CAGE1: variants seen among roughly 807,000 people sequenced by gnomAD.
CAGE1 encodes the protein cancer antigen 1, also known as cancer-associated gene 1 protein.
CAGE1 carries 66 observed loss-of-function variants against 94.9 expected under a neutral mutation model. The observed-to-expected ratio is 0.70, with a 90% CI of 0.57 to 0.85. The LOEUF is 0.85. Among genes scored for constraint, CAGE1 ranks in the 40% least tolerant of loss-of-function variants. The pLI is 0.00. For synonymous variants in CAGE1, 319 were observed against 321.0 expected (o/e 0.99, Z 0.07); for missense variants, 865 against 950.4 (o/e 0.91, Z 1.18).
intron 9 of CAGE1, among the ~76,000 whole-genome samples, chr6:7,358,027 G>GATATATATAT (rs55850429): frequency 0.017 from 815 of 47,660 alleles, 50 homozygotes; most frequent in Non-Finnish European, 0.02. Flanking sequence ...TAAGTTTTGA[G>GATATATATAT]ATATATATAT....
In CAGE1 at chr6:7,330,559, T is replaced by A. The variant is rs1021028470; in HGVS notation, c.2439-671A>T. On this transcript the variant is annotated intron_variant, in intron 12 of 13. Coordinates refer to ENST00000502583, the MANE Select transcript of CAGE1 (RefSeq NM_001170692.2). Reference sequence around the variant, plus strand: ...CATCTGAGGCTATTCAGATACTCGCTTTTGTATCCTTATTTCCCACTATTT... The same window carrying A: ...CATCTGAGGCTATTCAGATACTCGCATTTGTATCCTTATTTCCCACTATTT... Among the ~76,000 whole-genome samples the A allele has an allele frequency of 2.0e-5, 3 of 152,354 alleles. No individual in the cohort carries two copies. In the East Asian group the frequency reaches 5.8e-4, roughly 29 times the overall value.
At chr6:7,348,701 AATAG>A (rs1244174315) in intron 11 of CAGE1, among the ~76,000 whole-genome samples, 2 of 152,138 alleles carry the variant, frequency 1.3e-5, no homozygotes, top group African/African-American at 2.4e-5. Context: ...TATTCAAGGA[AATAG>A]ATAGCATAAA....
intron 11 of CAGE1, among the ~76,000 whole-genome samples, chr6:7,345,360 C>T (rs762030159): frequency 2.3e-4 from 19 of 82,872 alleles, no homozygotes; most frequent in Non-Finnish European, 5.0e-4. Context: ...ACTCTGAACA[C>T]ATCAGAACAT....
chr6:7,368,945 CAATT>C (rs1333833895), intron 6 of CAGE1, 147 bp from the exon 7 acceptor site: 5 of 548,492 alleles, frequency 9.1e-6, no homozygotes, highest in Non-Finnish European at 1.6e-5. Flanking sequence ...CTCCATTCCT[CAATT>C]ACTTATCAGA....
intron 11 of CAGE1, among the ~76,000 whole-genome samples, chr6:7,344,942 C>T (rs1007673379): frequency 6.6e-6 from 1 of 152,152 alleles, no homozygotes; most frequent in East Asian, 1.9e-4. Context: ...GGATTGTAAA[C>T]GCACCAATCA....
At chr6:7,375,767 T>C (rs1483893811) in intron 4 of CAGE1, among the ~76,000 whole-genome samples, 1 of 152,108 alleles carries the variant, frequency 6.6e-6, no homozygotes, top group Non-Finnish European at 1.5e-5. Flanking sequence ...TGTAGTGGTG[T>C]GCTGTATAAT....
chr6:7,349,944 A>AAAAG (rs56998030), intron 11 of CAGE1, among the ~76,000 whole-genome samples: 23 of 142,716 alleles, frequency 1.6e-4, no homozygotes, highest in South Asian at 4.3e-4. Context: ...AAAAAAAAAA[A>AAAAG]AAAGAAAGAA....
intron 11 of CAGE1, among the ~76,000 whole-genome samples, chr6:7,343,609 T>C (rs1412209948): frequency 2.0e-5 from 3 of 152,210 alleles, no homozygotes; most frequent in Non-Finnish European, 2.9e-5. Flanking sequence ...CTGTAGGAGA[T>C]ATGGCATGGA....
intron 2 of CAGE1, among the ~76,000 whole-genome samples, chr6:7,386,337 C>T (rs1761119896): frequency 6.6e-6 from 1 of 152,172 alleles, no homozygotes; most frequent in Non-Finnish European, 1.5e-5. Context: ...TAGCACAACA[C>T]TCATGAAGAT....
In CAGE1 at chr6:7,378,764, G is replaced by T; in HGVS notation, c.540C>A (p.Asn180Lys). ...TAGGAGGAGGCTGTCTAAAATACTC[G>T]TTACCAAGTTGGTCTGTATTTGCAG... Reference protein sequence around the residue: ...SVSANTDQLGNEYFRQPPPRS... With the variant: ...SVSANTDQLGKEYFRQPPPRS... The change falls in exon 4 of 14, where the codon AAC (asparagine) becomes AAA (lysine). Residue 180 changes from asparagine (N) to lysine (K), a missense_variant. Physicochemically the swap from Asn to Lys is moderately conservative, Grantham distance 94 (BLOSUM62 0). Coordinates refer to ENST00000502583, the MANE Select transcript of CAGE1 (RefSeq NM_001170692.2). 1 of 1,613,912 alleles carries T rather than the reference G, an allele frequency of 6.2e-7. No homozygotes were observed. Among genetic ancestry groups the T allele is most frequent in the East Asian group, 2.2e-5 (1 of 44,876 alleles).
chr6:7,375,560 T>A (rs1561865521), intron 4 of CAGE1, among the ~76,000 whole-genome samples: 1 of 152,136 alleles, frequency 6.6e-6, no homozygotes, highest in Non-Finnish European at 1.5e-5. Context: ...AACACAGTGA[T>A]ACCCTATCTC....
rs34506503 is a variant in CAGE1, at chr6:7,378,995, C to T, written c.309G>A (p.Thr103=). The T allele has an allele frequency of 3.4e-5, 52 of 1,530,974 alleles. 1 individual carries two copies. The Admixed American group carries it at 1.0e-3, about 30-fold the overall frequency. The allele number at this position is 1,530,974 out of a possible 1,614,324, so 94.8% of individuals were successfully genotyped here. The change falls in exon 4 of 14, where the codon ACG becomes ACA. Residue 103 remains threonine (T), a synonymous_variant. Coordinates refer to ENST00000502583, the MANE Select transcript of CAGE1 (RefSeq NM_001170692.2). The stretch of plus-strand genomic sequence containing the variant: ...TGTCAACTGGCTGAATTAGTGCATT[C>T]GTTGAGTAATTTTCAATGTTGTTAT... ...LNDNNIENYS[T]NALIQPVDTI... is the part of the protein sequence containing the mutation.
intron 12 of CAGE1, among the ~76,000 whole-genome samples, chr6:7,333,673 T>TAC (rs1561846182): frequency 1.1e-5 from 1 of 92,726 alleles, no homozygotes; most frequent in African/African-American, 5.7e-5. Flanking sequence ...TATATATATA[T>TAC]ACATTTTTTT....
chr6:7,343,222 AAG>A (rs1405839918), intron 11 of CAGE1, among the ~76,000 whole-genome samples: 2 of 151,870 alleles, frequency 1.3e-5, no homozygotes, highest in African/African-American at 4.8e-5. Context: ...AGAAAAGAAA[AAG>A]AAGTCAAAGA....
intron 12 of CAGE1, among the ~76,000 whole-genome samples, chr6:7,333,626 C>CCATA (rs1561846001): frequency 8.6e-5 from 5 of 58,260 alleles, no homozygotes; most frequent in African/African-American, 5.4e-4. Context: ...TATTATCTAA[C>CCATA]TATCTATCTA....
At chr6:7,364,776 C>T (rs901321063) in intron 9 of CAGE1, among the ~76,000 whole-genome samples, 3 of 151,850 alleles carry the variant, frequency 2.0e-5, no homozygotes, top group Admixed American at 1.3e-4. Flanking sequence ...TCAATAATTA[C>T]TTCTTATGAA....
intron 2 of CAGE1, among the ~76,000 whole-genome samples, chr6:7,386,712 G>C (rs988280410): frequency 2.0e-5 from 3 of 152,172 alleles, no homozygotes; most frequent in Non-Finnish European, 4.4e-5. Context: ...TCAGCCTCCA[G>C]AGTAGCTGGG....
chr6:7,371,647 T>C (rs1356060372), intron 5 of CAGE1, among the ~76,000 whole-genome samples: 1 of 152,008 alleles, frequency 6.6e-6, no homozygotes, highest in Admixed American at 6.6e-5. Flanking sequence ...TAGCTGGGCA[T>C]GGTGGTGTGT....
intron 3 of CAGE1, among the ~76,000 whole-genome samples, chr6:7,383,993 A>C (rs557798343): frequency 6.6e-6 from 1 of 152,198 alleles, no homozygotes; most frequent in Admixed American, 6.5e-5. Flanking sequence ...TTTCTTCTAA[A>C]CTTTCTTATT....
Sources: allele counts gnomAD v4.1 joint callset (sites outside exome capture counted in the v4.1 genomes callset), GRCh38; gene constraint gnomAD v4.1.1; transcripts MANE v1.5; gene names NCBI Gene and HGNC (gene_info 2026-07-23, HGNC 2026-07-21).